The following CFHR2 variants were observed in gnomAD, a reference collection of about 807,000 sequenced individuals.
CFHR2 encodes the protein complement factor H-related protein 2.
In CFHR2, 22 loss-of-function variants were observed where a neutral mutation model predicts 21.7. The observed-to-expected ratio is 1.01, with a 90% CI of 0.72 to 1.45. The LOEUF is 1.45. CFHR2 is among the 40% of genes most tolerant of loss of function. CFHR2 has a pLI of 0.00. For synonymous variants in CFHR2, 98 were observed against 97.4 expected (o/e 1.01, Z -0.04); for missense variants, 294 against 293.3 (o/e 1.00, Z -0.02).
At position 196,948,610 on chromosome 1, in the gene CFHR2, A is replaced by G. The variant is rs146851892; in HGVS notation, c.59-845A>G. On this transcript the variant is annotated intron_variant, in intron 1 of 4. Transcript: ENST00000367415. ...AATTTAAAGAATCTCTAGATTATTTATAATACCTAATACAATGTAAATGCT... is the reference window on the plus strand; with the variant it reads ...AATTTAAAGAATCTCTAGATTATTTGTAATACCTAATACAATGTAAATGCT... 7.6e-3 allele frequency among the ~76,000 whole-genome samples: 1,163 copies of G among 152,316 alleles called. 19 individuals carry two copies. Among genetic ancestry groups the G allele is most frequent in the African/African-American group, 0.027 (1,109 of 41,566 alleles).
chr1:196,951,638 A>G (rs1053697324), intron 3 of CFHR2, among the ~76,000 whole-genome samples: 1 of 152,010 alleles, frequency 6.6e-6, no homozygotes, highest in Non-Finnish European at 1.5e-5. Context: ...CCAGCCCAAT[A>G]AGATTCCGTC....
chr1:196,949,074 T>C (rs1324740860), intron 1 of CFHR2, among the ~76,000 whole-genome samples: 1 of 152,122 alleles, frequency 6.6e-6, no homozygotes, highest in Non-Finnish European at 1.5e-5. Flanking sequence ...AGAAAATAAG[T>C]AAATTGAGAG....
At chr1:196,957,828 T>C in intron 3 of CFHR2, 63 bp from the exon 4 acceptor site, 1 of 1,466,380 alleles carries the variant, frequency 6.8e-7, no homozygotes, top group Non-Finnish European at 9.5e-7. Flanking sequence ...CTTGTTTGCA[T>C]TTGCCTTATT....
chr1:196,951,769 T>C (rs1448183930), intron 3 of CFHR2, among the ~76,000 whole-genome samples: 2 of 152,122 alleles, frequency 1.3e-5, no homozygotes, highest in East Asian at 3.9e-4. Context: ...CTGGCCACCA[T>C]AGTCTCCAAG....
At position 196,959,080 on chromosome 1, in the gene CFHR2, G is replaced by A. The variant is rs779262094; in HGVS notation, c.813G>A (p.Ter271=). The A allele has an allele frequency of 3.8e-6, 6 of 1,585,944 alleles. No individual in the cohort carries two copies. In the African/African-American group the frequency reaches 6.7e-5, roughly 18 times the overall value. ...KLVYPSCEEK[*] ...TATATCCCAGTTGTGAAGAAAAATAGAATCAATGGCATTACTATTAGTAAA... is the reference window on the plus strand; with the variant it reads ...TATATCCCAGTTGTGAAGAAAAATAAAATCAATGGCATTACTATTAGTAAA... The change falls in exon 5 of 5, where the codon TAG becomes TAA. Residue 271 remains the stop codon, a stop_retained_variant. Transcript: ENST00000367415.
chr1:196,951,540 A>G (rs1571489355), intron 3 of CFHR2, among the ~76,000 whole-genome samples: 1 of 152,064 alleles, frequency 6.6e-6, no homozygotes, highest in African/African-American at 2.4e-5. Flanking sequence ...TCTTTTGGAA[A>G]CCTGTGGTAT....
intron 4 of CFHR2, 21 bp downstream of exon 4, chr1:196,958,094 A>G (rs761847452): frequency 6.3e-7 from 1 of 1,599,232 alleles, no homozygotes; most frequent in Non-Finnish European, 8.6e-7. Flanking sequence ...TAATATTCTC[A>G]TGGATTCTGG....
At chr1:196,954,449 A>G (rs1652790060) in intron 3 of CFHR2, among the ~76,000 whole-genome samples, 1 of 152,204 alleles carries the variant, frequency 6.6e-6, no homozygotes, top group Non-Finnish European at 1.5e-5. Context: ...CTGTTGGTGT[A>G]TCTACCATTC....
intron 3 of CFHR2, among the ~76,000 whole-genome samples, chr1:196,957,059 A>G (rs1259612514): frequency 6.6e-6 from 1 of 152,074 alleles, no homozygotes; most frequent in Non-Finnish European, 1.5e-5. Flanking sequence ...GCTTCTTAGG[A>G]TCTTTCCTAC....
At chr1:196,957,134 G>T (rs2125014248) in intron 3 of CFHR2, among the ~76,000 whole-genome samples, 1 of 152,030 alleles carries the variant, frequency 6.6e-6, no homozygotes, top group East Asian at 1.9e-4. Flanking sequence ...TGGGCTTTTG[G>T]GTATAGAAAG....
intron 4 of CFHR2, among the ~76,000 whole-genome samples, chr1:196,958,544 A>G (rs138105408): frequency 1.1e-3 from 166 of 152,148 alleles, no homozygotes; most frequent in Non-Finnish European, 2.0e-3. Context: ...GTTCTTGTTC[A>G]TCTTATTACT....
intron 3 of CFHR2, among the ~76,000 whole-genome samples, chr1:196,954,759 C>T (rs775707239): frequency 1.3e-5 from 2 of 152,188 alleles, no homozygotes; most frequent in African/African-American, 2.4e-5. Context: ...AGGTTTGCAC[C>T]TTCTGAAAAA....
intron 3 of CFHR2, among the ~76,000 whole-genome samples, chr1:196,955,210 A>C (rs7544166): frequency 0.039 from 5,972 of 152,244 alleles, 406 homozygotes; most frequent in African/African-American, 0.14. Context: ...GCAAATTGAC[A>C]CTAGTCTCTT....
intron 4 of CFHR2, 68 bp downstream of exon 4, chr1:196,958,141 G>A: frequency 1.4e-6 from 2 of 1,474,086 alleles, no homozygotes; most frequent in Non-Finnish European, 1.9e-6. Flanking sequence ...TTCACTGTTT[G>A]TAATAGAATT....
At chr1:196,944,705 CA>C (rs1177861945) in intron 1 of CFHR2, among the ~76,000 whole-genome samples, 1 of 151,878 alleles carries the variant, frequency 6.6e-6, no homozygotes, top group Non-Finnish European at 1.5e-5. Flanking sequence ...CTTTGATTTC[CA>C]AAAAGTTTTT....
chr1:196,958,047 A>AT lies in CFHR2; in HGVS notation c.587_588insT (p.Gln196HisfsTer23). On this transcript the variant is annotated frameshift_variant, in exon 4 of 5. Transcript: ENST00000367415. LOFTEE classifies it low-confidence loss of function (END_TRUNC). ...AATCAAATAACATGTAGAAACGGAC[A>AT]ATGGTCAGAACCACCAAAATGCTTA... The AT allele has an allele frequency of 6.2e-7, 1 of 1,613,638 alleles. No individual in the cohort carries two copies. The highest frequency in any genetic ancestry group is 8.5e-7 in the Non-Finnish European group (1 of 1,179,648).
At chr1:196,949,795 T>C (rs778639350) in intron 2 of CFHR2, 146 bp downstream of exon 2, 6 of 1,010,608 alleles carry the variant, frequency 5.9e-6, no homozygotes, top group Non-Finnish European at 7.5e-6. Flanking sequence ...TATTTTGAGA[T>C]GGCTCCTATG....
intron 4 of CFHR2, among the ~76,000 whole-genome samples, chr1:196,958,461 C>A (rs930807168): frequency 6.6e-6 from 1 of 151,628 alleles, no homozygotes; most frequent in Non-Finnish European, 1.5e-5. Context: ...AATCTGCTCT[C>A]TTTTCAAATT....
chr1:196,958,115 GT>G (rs1482396480), intron 4 of CFHR2, 42 bp downstream of exon 4: 1 of 1,565,376 alleles, frequency 6.4e-7, no homozygotes, highest in Non-Finnish European at 8.8e-7. Flanking sequence ...AAAAATCAGT[GT>G]GATGAGTCTG....
Sources: allele counts gnomAD v4.1 joint callset (sites outside exome capture counted in the v4.1 genomes callset), GRCh38; gene constraint gnomAD v4.1.1; transcripts MANE v1.5; gene names NCBI Gene and HGNC (gene_info 2026-07-23, HGNC 2026-07-21).